The following SCOC variants were observed in gnomAD, a reference collection of about 807,000 sequenced individuals.
The protein encoded by SCOC is short coiled coil protein.
A neutral mutation model predicts 9.9 loss-of-function variants in SCOC; 7 were observed. The ratio of observed to expected loss-of-function variants is 0.71; its 90% CI spans 0.40 to 1.33. The LOEUF is 1.33. Ranked by LOEUF, SCOC falls within the 40% of genes most tolerant of loss-of-function variation. SCOC has a pLI of 0.01. For synonymous variants in SCOC, 19 were observed against 28.2 expected, an observed-to-expected ratio of 0.67 and a Z score of 1.03; for missense variants, 66 against 89.7, an observed-to-expected ratio of 0.74 and a Z score of 1.07.
At chr4:140,316,450 TA>T (rs1426416420) in intron 1 of SCOC, among the ~76,000 whole-genome samples, 3 of 152,222 alleles carry the variant, frequency 2.0e-5, no homozygotes, top group Non-Finnish European at 4.4e-5. Flanking sequence ...TGCATATAGA[TA>T]TATTTGCTTT....
intron 1 of SCOC, among the ~76,000 whole-genome samples, chr4:140,307,447 C>A (rs549272313): frequency 6.6e-6 from 1 of 152,304 alleles, no homozygotes; most frequent in East Asian, 1.9e-4. Flanking sequence ...CCCAAGAATA[C>A]AAGAGCTAGG....
At chr4:140,369,231 T>C (rs191238569), upstream of SCOC, 704 of 432,190 alleles carry the variant, frequency 1.6e-3, 5 homozygotes, top group Middle Eastern at 7.0e-3. Context: ...CTGTTGAGTA[T>C]AGTATACTAG....
intron 1 of SCOC, among the ~76,000 whole-genome samples, chr4:140,298,829 T>G (rs1417401775): frequency 6.6e-6 from 1 of 152,192 alleles, no homozygotes; most frequent in Non-Finnish European, 1.5e-5. Flanking sequence ...TTATTATTAT[T>G]TTCTGAGACA....
chr4:140,261,830 G>T (rs1374767623), intron 1 of SCOC, among the ~76,000 whole-genome samples: 1 of 152,170 alleles, frequency 6.6e-6, no homozygotes, highest in Non-Finnish European at 1.5e-5. Context: ...AGGATATCCG[G>T]TGAAGATGAC....
intron 2 of SCOC, among the ~76,000 whole-genome samples, chr4:140,362,315 TGTGAGAG>T (rs1727597911): frequency 1.2e-4 from 10 of 82,144 alleles, no homozygotes; most frequent in East Asian, 3.0e-4. Flanking sequence ...TTTTTTTTTT[TGTGAGAG>T]TCTCGCTCTG....
chr4:140,344,278 C>A (rs1254074584), intron 2 of SCOC, among the ~76,000 whole-genome samples: 1 of 152,166 alleles, frequency 6.6e-6, no homozygotes, highest in Non-Finnish European at 1.5e-5. Context: ...ACAATGTTAA[C>A]TGGAAACACT....
chr4:140,279,389 G>C (rs1015501672), intron 1 of SCOC, among the ~76,000 whole-genome samples: 2 of 152,078 alleles, frequency 1.3e-5, no homozygotes, highest in African/African-American at 4.8e-5. Flanking sequence ...ATGAAAGCAG[G>C]GACTTTGTTT....
intron 1 of SCOC, among the ~76,000 whole-genome samples, chr4:140,302,213 G>A (rs751550895): frequency 6.6e-6 from 1 of 152,114 alleles, no homozygotes; most frequent in Non-Finnish European, 1.5e-5. Context: ...AATGATTTGA[G>A]TCAGCTTTTT....
intron 2 of SCOC, chr4:140,366,986 G>A (rs557500387): frequency 4.0e-5 from 17 of 428,762 alleles, no homozygotes; most frequent in Non-Finnish European, 6.5e-5. Flanking sequence ...TGGGTGGATC[G>A]CTTGAGGTCA....
intron 2 of SCOC, among the ~76,000 whole-genome samples, chr4:140,347,229 C>T (rs1359404489): frequency 2.0e-5 from 3 of 151,944 alleles, no homozygotes; most frequent in Non-Finnish European, 4.4e-5. Context: ...GATCTAAACA[C>T]TTAATATATG....
chr4:140,344,195 T>C (rs1726618096), intron 2 of SCOC, among the ~76,000 whole-genome samples: 1 of 152,166 alleles, frequency 6.6e-6, no homozygotes, highest in South Asian at 2.1e-4. Flanking sequence ...GGGAGAGCAG[T>C]TCTAAAATGC....
chr4:140,359,319 AT>A (rs971792458), intron 2 of SCOC, among the ~76,000 whole-genome samples: 1 of 151,922 alleles, frequency 6.6e-6, no homozygotes, highest in African/African-American at 2.4e-5. Flanking sequence ...TGGAGCTGTC[AT>A]TTTGAGCACC....
Position 140,380,962 on chromosome 4 carries a change from A to G in SCOC, c.107A>G (p.Asp36Gly). Residue 36 changes from aspartate to glycine, a missense_variant and splice_region_variant, in exon 4 of 4, where the codon GAT becomes GGT. Coordinates refer to ENST00000608372, the MANE Select transcript of SCOC (RefSeq NM_001153484.2). ...QVLELQHTLE[D>G]LSARVDAVKE... ...ATGGGCATTTTTATTTTTTATATAG[A>G]TCTCTCTGCAAGAGTAGATGCAGTT... 6.4e-7 allele frequency: 1 copy of G among 1,554,826 alleles called. No individual in the cohort carries two copies. The highest frequency in any genetic ancestry group is 8.6e-7 in the Non-Finnish European group (1 of 1,158,420).
At chr4:140,268,057 T>A (rs905818314) in intron 1 of SCOC, among the ~76,000 whole-genome samples, 1 of 152,192 alleles carries the variant, frequency 6.6e-6, no homozygotes, top group Non-Finnish European at 1.5e-5. Context: ...CAGAACGACA[T>A]AAGCTGTTAT....
At chr4:140,358,598 G>A (rs983230531) in intron 2 of SCOC, among the ~76,000 whole-genome samples, 8 of 152,194 alleles carry the variant, frequency 5.3e-5, no homozygotes, top group African/African-American at 1.9e-4. Context: ...CCTTCCTAAG[G>A]TGTTCATTGT....
At chr4:140,362,301 T>TCTTCTTCTTCTTCTTCTTCTTCCTTCTTC in intron 2 of SCOC, among the ~76,000 whole-genome samples, 3 of 29,408 alleles carry the variant, frequency 1.0e-4, no homozygotes, top group Admixed American at 4.0e-4. Flanking sequence ...TTCTTCTTCT[T>TCTTCTTCTTCTTCTTCTTCTTCCTTCTTC]TTTTTTTTTT....
At chr4:140,314,136 A>G (rs577193956) in intron 1 of SCOC, 129 of 174,042 alleles carry the variant, frequency 7.4e-4, no homozygotes, top group African/African-American at 3.0e-3. Context: ...AAAAGAATGC[A>G]TATGGTCATC....
intron 1 of SCOC, among the ~76,000 whole-genome samples, chr4:140,276,700 A>G (rs1730991775): frequency 6.8e-6 from 1 of 146,324 alleles, no homozygotes; most frequent in African/African-American, 2.5e-5. Context: ...CAGGTGATCC[A>G]CCTGTCTCAG....
intron 2 of SCOC, among the ~76,000 whole-genome samples, chr4:140,361,220 G>A (rs1003417180): frequency 1.2e-4 from 9 of 77,666 alleles, no homozygotes; most frequent in African/African-American, 4.4e-4. Flanking sequence ...CTTGCAGCAC[G>A]GCAGTGGGTT....
Sources: allele counts gnomAD v4.1 joint callset (sites outside exome capture counted in the v4.1 genomes callset), GRCh38; gene constraint gnomAD v4.1.1; transcripts MANE v1.5; gene names NCBI Gene and HGNC (gene_info 2026-07-23, HGNC 2026-07-21).